The following NRK variants were observed in gnomAD, a reference collection of about 807,000 sequenced individuals.
NRK encodes the protein nik-related protein kinase.
Under a neutral mutation model 125.2 loss-of-function variants are expected in NRK, and 67 were observed. That is an observed-to-expected ratio of 0.54 (90% CI 0.44 to 0.66). The LOEUF (loss-of-function observed/expected upper bound fraction) is 0.66, where lower values mean the gene tolerates loss of function less well. Among genes scored for constraint, NRK ranks in the 30% least tolerant of loss-of-function variants. NRK has a pLI of 0.00. For missense variants in NRK, 1,224 were observed against 1,192.9 expected, an observed-to-expected ratio of 1.03 and a Z score of -0.38; for synonymous variants, 458 against 429.0, an observed-to-expected ratio of 1.07 and a Z score of -0.84.
intron 2 of NRK, among the ~76,000 whole-genome samples, chrX:105,843,020 C>T (rs1385023841): frequency 1.8e-5 from 2 of 111,225 alleles, no homozygotes; most frequent in Non-Finnish European, 3.8e-5. Flanking sequence ...CCTAAGAATT[C>T]GTTAGTCTTT....
chrX:105,862,074 G>GATCT (rs67834006), intron 2 of NRK, among the ~76,000 whole-genome samples: 5,852 of 107,022 alleles, frequency 0.055, 160 homozygotes, highest in Non-Finnish European at 0.075. Flanking sequence ...TCTATCTATT[G>GATCT]ATCTATCTAT....
chrX:105,917,679 CA>C lies in NRK; in HGVS notation c.2512+10del. On this transcript the variant is annotated splice_region_variant and intron_variant, in intron 16 of 28. Transcript: ENST00000243300. ...AATTGGCTGGCAGCATCAGGTGATTCAAAGCACAAAATTTTAGCAGGCAAAA... is the reference window on the plus strand; with the variant it reads ...AATTGGCTGGCAGCATCAGGTGATTCAAGCACAAAATTTTAGCAGGCAAAA... The C allele has an allele frequency of 9.5e-7, 1 of 1,047,276 alleles. No individual in the cohort carries two copies. The highest frequency in any genetic ancestry group is 1.3e-6 in the Non-Finnish European group (1 of 774,733). 86.3% of individuals were successfully genotyped at this position (1,047,276 alleles called of 1,213,427 possible).
In NRK at chrX:105,822,634, C is replaced by T. The variant is rs926521628; in HGVS notation, c.-212C>T. 3 of 458,555 alleles carry T rather than the reference C, an allele frequency of 6.5e-6. No homozygotes were observed. The highest frequency in any genetic ancestry group is 1.2e-5 in the Non-Finnish European group (3 of 260,186). The allele number at this position is 458,555 out of a possible 1,213,427, so 37.8% of individuals were successfully genotyped here. On this transcript the variant is annotated 5_prime_UTR_variant, in exon 1 of 29. Transcript: ENST00000243300. ...TCTCGCCTTAGCCCAACTTGCTTTC[C>T]CGCCTCGCAAACTCCGGTTTCCCTC...
Position 105,909,438 on chromosome X carries a change from G to A in NRK, c.1797G>A (p.Leu599=), listed in dbSNP as rs373817469. The part of the protein sequence containing the change: ...LPLLSQDHHV[L]LPLHLDTQVL... ...TGCTATCACAAGATCACCATGTGCT[G>A]TTGCCACTACATTTGGATACTCAGG... Residue 599 remains leucine, a synonymous_variant, in exon 13 of 29, where the codon CTG becomes CTA. Transcript: ENST00000243300. The A allele has an allele frequency of 2.0e-5, 24 of 1,206,832 alleles. No individual in the cohort carries two copies. In the South Asian group the frequency reaches 2.3e-4, roughly 12 times the overall value.
At chrX:105,921,205 A>G (rs967487356) in intron 16 of NRK, among the ~76,000 whole-genome samples, 1 of 107,850 alleles carries the variant, frequency 9.3e-6, no homozygotes, top group African/African-American at 3.4e-5. Flanking sequence ...ATTGGAAATC[A>G]TCATTCTCAG....
intron 1 of NRK, 143 bp downstream of exon 1, chrX:105,823,045 C>G (rs1336561706): frequency 1.7e-6 from 1 of 579,503 alleles, no homozygotes; most frequent in South Asian, 3.2e-5. Context: ...TCCTGGGAGC[C>G]GGCATGCGGA....
At chrX:105,833,485 T>C (rs1329231645) in intron 2 of NRK, among the ~76,000 whole-genome samples, 1 of 111,046 alleles carries the variant, frequency 9.0e-6, no homozygotes, top group Non-Finnish European at 1.9e-5. Context: ...TTGTTCTGAT[T>C]CAAATGTATA....
chrX:105,883,101 T>TA (rs2039904326), intron 4 of NRK, among the ~76,000 whole-genome samples: 1 of 112,209 alleles, frequency 8.9e-6, no homozygotes, highest in Non-Finnish European at 1.9e-5. Context: ...AGCATCATAT[T>TA]ACTGGAAGAT....
chrX:105,908,058 A>G, intron 11 of NRK, 182 bp from the exon 12 acceptor site: 1 of 321,575 alleles, frequency 3.1e-6, no homozygotes, highest in Non-Finnish European at 5.6e-6. Flanking sequence ...TTGTGCTGCA[A>G]AAGTGGGCCT....
At chrX:105,845,210 G>A (rs758545450) in intron 2 of NRK, among the ~76,000 whole-genome samples, 41 of 111,495 alleles carry the variant, frequency 3.7e-4, no homozygotes, top group South Asian at 3.0e-3. Flanking sequence ...AAATTTTTTC[G>A]TTCTAAAAAA....
chrX:105,951,199 A>C (rs889527133), intron 27 of NRK, among the ~76,000 whole-genome samples: 1 of 111,128 alleles, frequency 9.0e-6, no homozygotes, highest in Non-Finnish European at 1.9e-5. Flanking sequence ...TATCCTTTAC[A>C]GTGGTACTTT....
intron 23 of NRK, among the ~76,000 whole-genome samples, chrX:105,943,658 C>T (rs2147791843): frequency 8.9e-6 from 1 of 112,223 alleles, no homozygotes; most frequent in South Asian, 3.7e-4. Flanking sequence ...TATCTATGAA[C>T]AGGAAAACTT....
At chrX:105,940,392 A>G (rs1388629818) in intron 23 of NRK, among the ~76,000 whole-genome samples, 1 of 109,723 alleles carries the variant, frequency 9.1e-6, no homozygotes, top group Non-Finnish European at 1.9e-5. Context: ...CTGCCTTTAT[A>G]TAGCTTCAGC....
At chrX:105,887,740 A>G (rs1361230735) in intron 4 of NRK, among the ~76,000 whole-genome samples, 1 of 112,117 alleles carries the variant, frequency 8.9e-6, no homozygotes, top group Non-Finnish European at 1.9e-5. Flanking sequence ...AAATGTCCAG[A>G]ACTGATAAAT....
At chrX:105,864,855 T>C (rs1443872079) in intron 2 of NRK, among the ~76,000 whole-genome samples, 1 of 110,812 alleles carries the variant, frequency 9.0e-6, no homozygotes, top group Non-Finnish European at 1.9e-5. Context: ...TTTTCTCTTC[T>C]CTCTCCTCTC....
intron 17 of NRK, among the ~76,000 whole-genome samples, chrX:105,922,815 G>A (rs921077044): frequency 2.7e-5 from 3 of 111,216 alleles, no homozygotes; most frequent in Admixed American, 1.9e-4. Context: ...TTTTTAAGGA[G>A]CATCAAATCT....
chrX:105,936,942 T>G (rs886110029), intron 21 of NRK, among the ~76,000 whole-genome samples: 5 of 111,413 alleles, frequency 4.5e-5, no homozygotes, highest in Non-Finnish European at 1.9e-5. Context: ...AAACATTTAC[T>G]TATGTTTAGA....
chrX:105,900,353 C>T (rs565683752), intron 8 of NRK, among the ~76,000 whole-genome samples: 4 of 111,511 alleles, frequency 3.6e-5, no homozygotes, highest in African/African-American at 9.8e-5. Context: ...TCAGGTAAAA[C>T]GATAATATCA....
intron 19 of NRK, among the ~76,000 whole-genome samples, chrX:105,930,640 G>C (rs1336114223): frequency 2.7e-5 from 3 of 110,889 alleles, no homozygotes; most frequent in Non-Finnish European, 5.7e-5. Flanking sequence ...TTCCTTATTT[G>C]TTAATGTTTC....
Sources: gnomAD v4.1 joint callset for allele counts (sites outside exome capture counted in the v4.1 genomes callset) on GRCh38, gnomAD v4.1.1 for gene constraint, MANE v1.5 for transcripts, NCBI Gene and HGNC (gene_info 2026-07-23, HGNC 2026-07-21) for gene names.